PEMT: variants seen among roughly 807,000 people sequenced by gnomAD.
PEMT encodes the protein phospholipid methyltransferase.
PEMT carries 23 observed loss-of-function variants against 27.4 expected under a neutral mutation model. That is an observed-to-expected ratio of 0.84 (90% CI 0.60 to 1.19). PEMT has a LOEUF of 1.19. Ranked by LOEUF, PEMT falls within the 50% of genes most tolerant of loss-of-function variation. The probability of loss-of-function intolerance (pLI) is 0.00; values close to 1 mark genes in which losing one functional copy is unlikely to be tolerated. For synonymous variants in PEMT, 137 were observed against 139.1 expected, an observed-to-expected ratio of 0.98 and a Z score of 0.11; for missense variants, 307 against 310.1, an observed-to-expected ratio of 0.99 and a Z score of 0.07.
intron 2 of PEMT, among the ~76,000 whole-genome samples, chr17:17,525,330 C>T (rs1043778747): frequency 6.6e-6 from 1 of 152,216 alleles, no homozygotes; most frequent in Non-Finnish European, 1.5e-5. Context: ...CCACGCCTTG[C>T]CTCCCAGCGA....
chr17:17,509,239 G>A (rs1680200613), intron 5 of PEMT, among the ~76,000 whole-genome samples, 195 bp downstream of exon 5: 1 of 152,224 alleles, frequency 6.6e-6, no homozygotes, highest in African/African-American at 2.4e-5. Flanking sequence ...TGACCACCCT[G>A]TTCTGGGATG....
At chr17:17,585,215 G>A (rs1912184371) in intron 1 of PEMT, among the ~76,000 whole-genome samples, 1 of 152,202 alleles carries the variant, frequency 6.6e-6, no homozygotes, top group African/African-American at 2.4e-5. Context: ...GCAGGCGCCT[G>A]TAATCCCAGC....
At chr17:17,559,751 G>GGCA (rs1910338728) in intron 2 of PEMT, among the ~76,000 whole-genome samples, 1 of 152,252 alleles carries the variant, frequency 6.6e-6, no homozygotes, top group South Asian at 2.1e-4. Flanking sequence ...CAACAGAAGT[G>GGCA]TGGGGGCAGA....
chr17:17,541,379 C>G (rs758487659), intron 2 of PEMT, among the ~76,000 whole-genome samples: 1 of 152,242 alleles, frequency 6.6e-6, no homozygotes, highest in African/African-American at 2.4e-5. Flanking sequence ...GGCTGCCCAC[C>G]AAACAGGAAG....
chr17:17,516,931 T>C (rs1415719356), intron 3 of PEMT, among the ~76,000 whole-genome samples: 1 of 152,138 alleles, frequency 6.6e-6, no homozygotes, highest in African/African-American at 2.4e-5. Flanking sequence ...GTGAAGGGAT[T>C]TCACAAATAG....
intron 2 of PEMT, among the ~76,000 whole-genome samples, chr17:17,557,495 C>G (rs1032884489): frequency 6.6e-6 from 1 of 152,250 alleles, no homozygotes; most frequent in Non-Finnish European, 1.5e-5. Context: ...TCAGAGGCTC[C>G]TGGCTCGCTC....
At chr17:17,586,206 GAAAGAAAGAA>G (rs1912244806) in intron 1 of PEMT, among the ~76,000 whole-genome samples, 1 of 111,504 alleles carries the variant, frequency 9.0e-6, no homozygotes, top group Admixed American at 9.8e-5. Context: ...AGGAAAGAAA[GAAAGAAAGAA>G]AAAGAAAGAA....
intron 1 of PEMT, among the ~76,000 whole-genome samples, chr17:17,586,545 C>T (rs775714667): frequency 1.3e-5 from 2 of 152,116 alleles, no homozygotes; most frequent in Non-Finnish European, 2.9e-5. Context: ...AAAGAATGCA[C>T]GCGAGGGCCA....
intron 2 of PEMT, among the ~76,000 whole-genome samples, chr17:17,575,996 G>A (rs1039597564): frequency 2.0e-5 from 3 of 152,156 alleles, no homozygotes; most frequent in South Asian, 4.1e-4. Flanking sequence ...TGCTGCTGAC[G>A]CTGATCTTGG....
intron 2 of PEMT, among the ~76,000 whole-genome samples, chr17:17,573,071 C>T (rs981192667): frequency 3.3e-5 from 5 of 152,168 alleles, no homozygotes; most frequent in African/African-American, 1.2e-4. Context: ...TGCCTGTAAT[C>T]CCAGCTACTC....
Position 17,582,509 on chromosome 17 carries a change from C to T in PEMT, c.97-5482G>A, listed in dbSNP as rs573669323. On this transcript the variant is annotated intron_variant, in intron 1 of 6. Transcript: ENST00000255389. The surrounding 1 kb of genome is among the most constrained non-coding windows in gnomAD (Gnocchi z 4.9). ...CAGGCCTGGACAGGCAAAGTCACAT[C>T]GATTCCAGGCCACACACCACACACA... The T allele has an allele frequency of 7.8e-6, 6 of 765,514 alleles. No individual in the cohort carries two copies. Among genetic ancestry groups the T allele is most frequent in the East Asian group, 1.3e-4 (1 of 7,762 alleles). 47.4% of individuals were successfully genotyped at this position (765,514 alleles called of 1,614,324 possible).
At chr17:17,583,831 G>A (rs1912101552) in intron 1 of PEMT, among the ~76,000 whole-genome samples, 1 of 152,216 alleles carries the variant, frequency 6.6e-6, no homozygotes, top group South Asian at 2.1e-4. Flanking sequence ...GCCCTGGGCA[G>A]CAAAAACCAC....
chr17:17,576,716 G>T (rs1911614694), intron 2 of PEMT, among the ~76,000 whole-genome samples: 1 of 152,158 alleles, frequency 6.6e-6, no homozygotes, highest in Non-Finnish European at 1.5e-5. Flanking sequence ...CGCCAGCCTG[G>T]GCAGCCCAAT....
At chr17:17,560,422 G>C (rs141519164) in intron 2 of PEMT, among the ~76,000 whole-genome samples, 68 of 152,366 alleles carry the variant, frequency 4.5e-4, no homozygotes, top group African/African-American at 1.3e-3. Flanking sequence ...TGCCACAGCA[G>C]AGGCTGTGGC....
chr17:17,579,044 T>C (rs1283729436), intron 1 of PEMT, among the ~76,000 whole-genome samples: 1 of 152,244 alleles, frequency 6.6e-6, no homozygotes, highest in Admixed American at 6.5e-5. Context: ...GGAAATACAG[T>C]AAATTCCTTC....
intron 2 of PEMT, among the ~76,000 whole-genome samples, chr17:17,537,717 C>T (rs1161158957): frequency 2.6e-5 from 4 of 152,234 alleles, no homozygotes; most frequent in African/African-American, 9.6e-5. Flanking sequence ...GAAGCTCTGG[C>T]CCTGAGACTG....
chr17:17,548,668 C>T (rs1909427376), intron 2 of PEMT, among the ~76,000 whole-genome samples: 1 of 152,186 alleles, frequency 6.6e-6, no homozygotes, highest in East Asian at 1.9e-4. Context: ...CCTGCCTCAG[C>T]CTCCTGAGTA....
intron 1 of PEMT, among the ~76,000 whole-genome samples, chr17:17,586,140 GAA>G (rs1912235564): frequency 1.9e-5 from 2 of 108,016 alleles, no homozygotes; most frequent in African/African-American, 7.2e-5. Context: ...AATCTAATGA[GAA>G]AGAAAGAAAG....
intron 2 of PEMT, among the ~76,000 whole-genome samples, chr17:17,554,740 C>T (rs537119992): frequency 3.9e-5 from 6 of 152,212 alleles, no homozygotes; most frequent in Admixed American, 1.3e-4. Context: ...CTCAGCCTCC[C>T]GAGTAGCTGG....
Sources: gnomAD v4.1 joint callset for allele counts (sites outside exome capture counted in the v4.1 genomes callset) on GRCh38, gnomAD v4.1.1 for gene constraint, Gnocchi (gnomAD v3.1) non-coding constraint, MANE v1.5 for transcripts, NCBI Gene and HGNC (gene_info 2026-07-23, HGNC 2026-07-21) for gene names.